Variants in TRPM4 observed in about 807,000 individuals in gnomAD.
The protein encoded by TRPM4 is transient receptor potential cation channel subfamily M member 4, also known as calcium-activated non-selective cation channel 1.
A neutral mutation model predicts 135.6 loss-of-function variants in TRPM4; 124 were observed. The ratio of observed to expected loss-of-function variants is 0.91; its 90% CI spans 0.79 to 1.06. The LOEUF is 1.06. TRPM4 is among the 50% of genes least tolerant of loss of function. The pLI, the probability that TRPM4 is intolerant of heterozygous loss-of-function variation, is 0.00. For synonymous variants in TRPM4, 745 were observed against 705.6 expected (o/e 1.06, Z -0.88); for missense variants, 1,658 against 1,671.4 (o/e 0.99, Z 0.14).
In TRPM4 at chr19:49,211,646, G is replaced by A; in HGVS notation, c.*148G>A. 3.9e-6 allele frequency: 4 copies of A among 1,020,738 alleles called. No homozygotes were observed. Among genetic ancestry groups the A allele is most frequent in the Non-Finnish European group, 6.1e-6 (4 of 652,996 alleles). 63.2% of individuals were successfully genotyped at this position (1,020,738 alleles called of 1,614,324 possible). A position where few individuals can be genotyped will look rare whatever the true frequency, so the allele number is the denominator to read the frequency against. On this transcript the variant is annotated 3_prime_UTR_variant, in exon 25 of 25. Transcript: ENST00000252826. The surrounding 1 kb of genome is among the most constrained non-coding windows in gnomAD (Gnocchi z 4.8). ...TGGGCCACTGTCAGGACCACCTTTG[G>A]GAGTGTCATCCTTACAAACCACAGC...
Position 49,168,882 on chromosome 19 carries a change from A to T in TRPM4, c.796+146A>T, listed in dbSNP as rs1019559728. 7.2e-6 allele frequency: 7 copies of T among 973,690 alleles called. No homozygotes were observed. In the African/African-American group the frequency reaches 1.1e-4, roughly 16 times the overall value. 60.3% of individuals were successfully genotyped at this position (973,690 alleles called of 1,614,324 possible). A position where few individuals can be genotyped will look rare whatever the true frequency, so the allele number is the denominator to read the frequency against. ...CCCGTCATTATTCATGGTTTTAAAA[A>T]CTTCTGTCTGAGAGTGAGTTAGCTC... On this transcript the variant is annotated intron_variant, in intron 6 of 24. Coordinates refer to ENST00000252826, the MANE Select transcript of TRPM4 (RefSeq NM_017636.4).
chr19:49,161,611 G>A (rs775350680), intron 2 of TRPM4, among the ~76,000 whole-genome samples: 7 of 150,258 alleles, frequency 4.7e-5, no homozygotes, highest in African/African-American at 7.3e-5. Flanking sequence ...AATTACAGGC[G>A]AGAGCCACCA....
At chr19:49,172,562 A>G (rs1027420467) in intron 9 of TRPM4, among the ~76,000 whole-genome samples, 3 of 149,304 alleles carry the variant, frequency 2.0e-5, no homozygotes, top group African/African-American at 5.0e-5. Flanking sequence ...CCATCCATCC[A>G]TCTTCTCACC....
intron 10 of TRPM4, among the ~76,000 whole-genome samples, chr19:49,182,055 T>C (rs1454165943): frequency 1.6e-5 from 2 of 126,862 alleles, no homozygotes; most frequent in Non-Finnish European, 3.5e-5. Context: ...CATCCATCCA[T>C]TTATCCATCC....
At chr19:49,164,381 T>G (rs1364333132) in intron 2 of TRPM4, among the ~76,000 whole-genome samples, 3 of 111,200 alleles carry the variant, frequency 2.7e-5, no homozygotes, top group Admixed American at 9.5e-5. Context: ...TTTTTTTTTT[T>G]TTTTTTTTTT....
At chr19:49,180,428 CTG>C (rs71919979) in intron 9 of TRPM4, among the ~76,000 whole-genome samples, 23,250 of 130,942 alleles carry the variant, frequency 0.18, 2,215 homozygotes, top group Admixed American at 0.25. Context: ...TCATCATCTG[CTG>C]TGTGTGTGTG....
intron 9 of TRPM4, 52 bp from the exon 10 acceptor site, chr19:49,181,297 A>T (rs1967909039): frequency 1.5e-6 from 2 of 1,334,008 alleles, no homozygotes; most frequent in African/African-American, 2.9e-5. Context: ...GACATTCAGC[A>T]GATGTCCCTC....
At chr19:49,167,596 T>C (rs571394621) in intron 3 of TRPM4, 22 of 274,050 alleles carry the variant, frequency 8.0e-5, no homozygotes, top group South Asian at 7.9e-4. Flanking sequence ...TGGGTCTCTG[T>C]CCCATCTCTC....
At chr19:49,202,261 G>T in intron 20 of TRPM4, 120 bp downstream of exon 20, 1 of 1,236,980 alleles carries the variant, frequency 8.1e-7, no homozygotes, top group Non-Finnish European at 1.2e-6. Flanking sequence ...CCAATCTAAT[G>T]CTGCCTTCTC....
intron 2 of TRPM4, chr19:49,159,133 G>A (rs2041586378): frequency 6.9e-6 from 1 of 145,928 alleles, no homozygotes; most frequent in Non-Finnish European, 1.5e-5. Context: ...CCGGGTTCAC[G>A]CCGTTTTCCT....
chr19:49,167,860 C>T, intron 3 of TRPM4, 57 bp from the exon 4 acceptor site: 1 of 1,521,310 alleles, frequency 6.6e-7, no homozygotes, highest in Non-Finnish European at 9.1e-7. Context: ...GTCTCTGTCC[C>T]CGTCTCTCTG....
In TRPM4 at chr19:49,171,998, C is replaced by G; in HGVS notation, c.1051-11C>G. ...AGGCGGGCTAGGGATGCAGAACTGG[C>G]TATTCCACAGGTGGAGAGGATTATG... On this transcript the variant is annotated splice_polypyrimidine_tract_variant and intron_variant, in intron 8 of 24. Coordinates refer to ENST00000252826, the MANE Select transcript of TRPM4 (RefSeq NM_017636.4). The surrounding 1 kb of genome is among the most constrained non-coding windows in gnomAD (Gnocchi z 4.7). 3.7e-6 allele frequency: 6 copies of G among 1,609,498 alleles called. No homozygotes were observed. Among genetic ancestry groups the G allele is most frequent in the Non-Finnish European group, 5.1e-6 (6 of 1,175,892 alleles).
At chr19:49,157,922 G>A (rs970536463) in intron 1 of TRPM4, 32 bp downstream of exon 1, 11 of 1,534,248 alleles carry the variant, frequency 7.2e-6, no homozygotes, top group African/African-American at 2.7e-5. Context: ...GCGGGAGCGC[G>A]GAGCTGGGGA....
Position 49,172,121 on chromosome 19 carries a change from C to A in TRPM4, c.1150+13C>A, listed in dbSNP as rs1266588959. On this transcript the variant is annotated intron_variant, in intron 9 of 24. Transcript: ENST00000252826. ...GCCCTTGTGAAGGGTAAAAGTTGTA[C>A]CCTCCAGTCTTCCCCCTCTCTCAGT... The A allele has an allele frequency of 1.3e-5, 21 of 1,590,660 alleles. No individual in the cohort carries two copies. Among genetic ancestry groups the A allele is most frequent in the Non-Finnish European group, 1.8e-5 (21 of 1,158,818 alleles).
intron 2 of TRPM4, among the ~76,000 whole-genome samples, chr19:49,164,363 AGTT>A (rs1967088195): frequency 9.9e-5 from 1 of 10,098 alleles, no homozygotes; most frequent in African/African-American, 4.4e-4. Context: ...TTCTTTCCTT[AGTT>A]TTTTTTTTTT....
intron 20 of TRPM4, among the ~76,000 whole-genome samples, chr19:49,204,643 C>T (rs752853208): frequency 3.3e-5 from 5 of 152,086 alleles, no homozygotes; most frequent in African/African-American, 4.8e-5. Context: ...GATCCTCCCA[C>T]CTCAGCCTCC....
Position 49,172,029 on chromosome 19 carries a change from G to T in TRPM4, c.1071G>T (p.Arg357=). The T allele has an allele frequency of 6.2e-7, 1 of 1,614,064 alleles. No individual in the cohort carries two copies. The highest frequency in any genetic ancestry group is 8.5e-7 in the Non-Finnish European group (1 of 1,179,954). The part of the protein sequence containing the change: ...LQAQVERIMT[R]KELLTVYSSE... ...CACAGGTGGAGAGGATTATGACCCG[G>T]AAGGAGCTCCTGACAGTCTATTCTT... Residue 357 remains arginine (R), a synonymous_variant, in exon 9 of 25, where the codon CGG becomes CGT. Coordinates refer to ENST00000252826, the MANE Select transcript of TRPM4 (RefSeq NM_017636.4).
At chr19:49,188,594 CT>C in intron 12 of TRPM4, 46 bp from the exon 13 acceptor site, 1 of 1,614,014 alleles carries the variant, frequency 6.2e-7, no homozygotes, top group Non-Finnish European at 8.5e-7. Flanking sequence ...CTTCCTCCCC[CT>C]CTATGAACCC....
chr19:49,158,307 G>C lies in TRPM4; in HGVS notation c.92+48G>C, dbSNP rs199965970. ...GACCCCAGAGGGTCCGCGGCCCGCT[G>C]ACCCCGCCCGCGGATGGTCACGCCC... On this transcript the variant is annotated intron_variant, in intron 2 of 24. Transcript: ENST00000252826. 1.9e-6 allele frequency: 3 copies of C among 1,574,984 alleles called. No individual in the cohort carries two copies. The East Asian group carries it at 6.7e-5, about 35-fold the overall frequency.
Sources: gnomAD v4.1 joint callset for allele counts (sites outside exome capture counted in the v4.1 genomes callset) on GRCh38, gnomAD v4.1.1 for gene constraint, Gnocchi (gnomAD v3.1) non-coding constraint, MANE v1.5 for transcripts, NCBI Gene and HGNC (gene_info 2026-07-23, HGNC 2026-07-21) for gene names.